Variants in FAT2 observed in about 807,000 individuals in gnomAD.
The protein encoded by FAT2 is protocadherin Fat 2.
A neutral mutation model predicts 295.3 loss-of-function variants in FAT2; 150 were observed. That is an observed-to-expected ratio of 0.51 (90% CI 0.44 to 0.58). The LOEUF is 0.58. Ranked by LOEUF, FAT2 falls within the 20% of genes least tolerant of loss-of-function variation. The pLI is 0.00. For missense variants in FAT2, 4,868 were observed against 5,442.7 expected, an observed-to-expected ratio of 0.89 and a Z score of 3.32; for synonymous variants, 2,026 against 2,150.3, an observed-to-expected ratio of 0.94 and a Z score of 1.60.
chr5:151,561,229 T>C (rs1255245944), intron 3 of FAT2, among the ~76,000 whole-genome samples: 3 of 152,126 alleles, frequency 2.0e-5, no homozygotes, highest in African/African-American at 7.2e-5. Context: ...TTAAACAGAA[T>C]GGCACATGCA....
intron 9 of FAT2, among the ~76,000 whole-genome samples, chr5:151,548,340 A>G (rs1241041348): frequency 2.0e-5 from 3 of 151,838 alleles, no homozygotes; most frequent in Non-Finnish European, 4.4e-5. Flanking sequence ...ATGTATTATA[A>G]TTATTACAAA....
intron 7 of FAT2, among the ~76,000 whole-genome samples, chr5:151,551,203 T>G (rs1279204063): frequency 6.6e-6 from 1 of 152,178 alleles, no homozygotes; most frequent in African/African-American, 2.4e-5. Flanking sequence ...ATCATCCCCC[T>G]ATACCCATAG....
intron 11 of FAT2, among the ~76,000 whole-genome samples, chr5:151,538,965 C>T (rs369031622): frequency 2.1e-4 from 32 of 152,052 alleles, no homozygotes; most frequent in African/African-American, 6.5e-4. Context: ...GGATTACAGA[C>T]GTGGATGGAA....
At chr5:151,580,435 G>A (rs1008134522) in intron 1 of FAT2, among the ~76,000 whole-genome samples, 48 of 152,324 alleles carry the variant, frequency 3.2e-4, no homozygotes, top group African/African-American at 8.7e-4. Flanking sequence ...TTGGCACAGC[G>A]CCAGTCAGGC....
rs972127960 is a variant in FAT2, at chr5:151,591,215, C to T, written c.-71G>A. Among the ~76,000 whole-genome samples, 6 of 152,216 alleles carry T rather than the reference C, an allele frequency of 3.9e-5. No homozygotes were observed. The highest frequency in any genetic ancestry group is 2.0e-4 in the Admixed American group (3 of 15,284). On this transcript the variant is annotated 5_prime_UTR_variant, in exon 1 of 24. Coordinates refer to ENST00000261800, the MANE Select transcript of FAT2 (RefSeq NM_001447.3). Reference sequence around the variant, plus strand: ...GCCCCAGAGCAGGCTGCTGGGCTGGCGCCCCTCTCACGAGGGCCAGGCTGA... The same window carrying T: ...GCCCCAGAGCAGGCTGCTGGGCTGGTGCCCCTCTCACGAGGGCCAGGCTGA...
Position 151,565,724 on chromosome 5 carries a change from A to T in FAT2, c.3208T>A (p.Phe1070Ile). The change falls in exon 2 of 24, where the codon TTC (phenylalanine) becomes ATC (isoleucine). Residue 1070 changes from phenylalanine (F) to isoleucine (I), a missense_variant. Around this residue, in one of 5 missense-constraint regions of FAT2, gnomAD observed 3,297 missense variants for 3,669.4 expected, o/e 0.90. Transcript: ENST00000261800. ...GCGAGTCCAGTGCCAGCACGCAGGA[A>T]GTACTGGAGCTCCCCATCCAAGCCA... ...DSGLDGELQY[F>I]LRAGTGLAAF... 2 of 1,609,442 alleles carry T rather than the reference A, an allele frequency of 1.2e-6. No homozygotes were observed. The highest frequency in any genetic ancestry group is 1.7e-6 in the Non-Finnish European group (2 of 1,177,816).
chr5:151,571,505 G>A (rs60907456), intron 1 of FAT2, among the ~76,000 whole-genome samples: 7,437 of 152,296 alleles, frequency 0.049, 249 homozygotes, highest in East Asian at 0.094. Flanking sequence ...TGCAATGCAG[G>A]CGCCGTTAAG....
intron 3 of FAT2, among the ~76,000 whole-genome samples, chr5:151,562,245 G>A (rs147868559): frequency 2.0e-5 from 3 of 152,222 alleles, no homozygotes; most frequent in African/African-American, 7.2e-5. Context: ...GGGACTGCCC[G>A]CTCGCATTCT....
chr5:151,518,996 C>G (rs1753168789), intron 19 of FAT2, among the ~76,000 whole-genome samples: 2 of 152,054 alleles, frequency 1.3e-5, no homozygotes, highest in South Asian at 4.2e-4. Context: ...AGAACAAAAG[C>G]CAAAAGGAGG....
At chr5:151,563,697 A>G in intron 2 of FAT2, 58 bp from the exon 3 acceptor site, 2 of 1,477,600 alleles carry the variant, frequency 1.4e-6, no homozygotes, top group African/African-American at 1.4e-5. Flanking sequence ...GGCTTTAGAA[A>G]TCACCCTTAC....
At position 151,567,065 on chromosome 5, in the gene FAT2, G is replaced by A. The variant is rs532601126; in HGVS notation, c.1867C>T (p.Arg623Cys). ...NHFSGVISLK[R>C]PFINLTAGQP... ...CCAGCAGTAAGATTGATAAAAGGGC[G>A]TTTGAGGGATATCACTCCGGAGAAA... is the stretch of plus-strand genomic sequence containing the variant. The change falls in exon 2 of 24, where the codon CGC becomes TGC. Residue 623 changes from arginine (R) to cysteine (C), a missense_variant. Transcript: ENST00000261800. 3.3e-5 allele frequency: 53 copies of A among 1,613,908 alleles called. No individual in the cohort carries two copies. The highest frequency in any genetic ancestry group is 2.4e-4 in the South Asian group (22 of 91,086).
chr5:151,505,848 G>A lies in FAT2; in HGVS notation c.12767C>T (p.Pro4256Leu), dbSNP rs2127562559. The A allele has an allele frequency of 6.2e-7, 1 of 1,611,000 alleles. No homozygotes were observed. The highest frequency in any genetic ancestry group is 8.5e-7 in the Non-Finnish European group (1 of 1,179,118). Reference sequence around the variant, plus strand: ...AACCAGGCGCTCCCGGGGACTAGGGGGCCGAGAGGGCATCAGATCTTCCAG... The same window carrying A: ...AACCAGGCGCTCCCGGGGACTAGGGAGCCGAGAGGGCATCAGATCTTCCAG... ...QNLEDLMPSRPPSPRERLVAP... is the reference protein window; with the variant it reads ...QNLEDLMPSRLPSPRERLVAP... Residue 4256 changes from proline (P) to leucine (L), a missense_variant, in exon 24 of 24, where the codon CCC becomes CTC. Around this residue, in one of 5 missense-constraint regions of FAT2, gnomAD observed 492 missense variants for 482.6 expected, o/e 1.02. Coordinates refer to ENST00000261800, the MANE Select transcript of FAT2 (RefSeq NM_001447.3).
Position 151,512,750 on chromosome 5 carries a change from G to T in FAT2, c.11464-144C>A. 1 of 729,928 alleles carries T rather than the reference G, an allele frequency of 1.4e-6. No individual in the cohort carries two copies. The highest frequency in any genetic ancestry group is 2.2e-6 in the Non-Finnish European group (1 of 445,986). 45.2% of individuals were successfully genotyped at this position (729,928 alleles called of 1,614,324 possible). ...CTGTTTTAGACATGGCATTTGCAGA[G>T]CATAAAAACCCTCAAAGTGCTTTTG... On this transcript the variant is annotated intron_variant, in intron 20 of 23. Coordinates refer to ENST00000261800, the MANE Select transcript of FAT2 (RefSeq NM_001447.3). This position sits in a 1 kb window ranked among gnomAD's most constrained non-coding sequence, Gnocchi z 4.1.
rs1159628689 is a variant in FAT2 at position 151,505,124 on chromosome 5, G to A, written c.*441C>T. 7.6e-6 allele frequency: 2 copies of A among 262,202 alleles called. No individual in the cohort carries two copies. The highest frequency in any genetic ancestry group is 1.3e-4 in the East Asian group (1 of 7,628). The allele number at this position is 262,202 out of a possible 1,614,324, so 16.2% of individuals were successfully genotyped here. ...CCTCTAGAGCTCCTCTGTACGGCCC[G>A]CGTAGTGGTTGTCTGTCAGGCACCA... On this transcript the variant is annotated 3_prime_UTR_variant, in exon 24 of 24. Coordinates refer to ENST00000261800, the MANE Select transcript of FAT2 (RefSeq NM_001447.3).
intron 22 of FAT2, 55 bp downstream of exon 22, chr5:151,509,966 A>G: frequency 1.9e-6 from 3 of 1,595,434 alleles, no homozygotes; most frequent in Admixed American, 3.4e-5. Flanking sequence ...AGGTCAGAGT[A>G]CAGAGCGCAT....
intron 16 of FAT2, 32 bp from the exon 17 acceptor site, chr5:151,527,409 T>C (rs781325576): frequency 1.9e-6 from 3 of 1,552,648 alleles, no homozygotes; most frequent in Non-Finnish European, 2.6e-6. Flanking sequence ...AGGTTAGCAA[T>C]GAGGTAGCTG....
intron 19 of FAT2, among the ~76,000 whole-genome samples, chr5:151,519,899 T>G (rs965879212): frequency 4.6e-5 from 7 of 152,186 alleles, no homozygotes; most frequent in Non-Finnish European, 7.3e-5. Context: ...AATTAAAACC[T>G]CTGGAGGTGA....
intron 1 of FAT2, among the ~76,000 whole-genome samples, chr5:151,575,298 T>G (rs1264738555): frequency 6.6e-6 from 1 of 152,264 alleles, no homozygotes; most frequent in African/African-American, 2.4e-5. Flanking sequence ...CTATACATTT[T>G]CAAATAAGCA....
intron 1 of FAT2, among the ~76,000 whole-genome samples, chr5:151,580,723 G>A (rs1000818967): frequency 2.0e-5 from 3 of 152,202 alleles, no homozygotes; most frequent in Non-Finnish European, 4.4e-5. Context: ...GAGTTGAAGA[G>A]GGGGCAGAGG....
Sources: gnomAD v4.1 joint callset for allele counts (sites outside exome capture counted in the v4.1 genomes callset) on GRCh38, gnomAD v4.1.1 for gene constraint, gnomAD v4.1.1 regional missense constraint, Gnocchi (gnomAD v3.1) non-coding constraint, MANE v1.5 for transcripts, NCBI Gene and HGNC (gene_info 2026-07-23, HGNC 2026-07-21) for gene names.